The following PTPRQ variants were observed in gnomAD, a reference collection of about 807,000 sequenced individuals.
PTPRQ encodes the protein protein tyrosine phosphatase receptor type Q.
A neutral mutation model predicts 246.0 loss-of-function variants in PTPRQ; 199 were observed. The ratio of observed to expected loss-of-function variants is 0.81; its 90% CI spans 0.72 to 0.91. PTPRQ has a LOEUF of 0.91. Ranked by LOEUF, PTPRQ falls within the 40% of genes least tolerant of loss-of-function variation. The pLI, the probability that PTPRQ is intolerant of heterozygous loss-of-function variation, is 0.00. For missense variants in PTPRQ, 2,624 were observed against 2,528.4 expected (o/e 1.04, Z -0.81); for synonymous variants, 869 against 853.2 (o/e 1.02, Z -0.32).
At chr12:80,587,207 G>A (rs1435963011) in intron 25 of PTPRQ, among the ~76,000 whole-genome samples, 1 of 152,058 alleles carries the variant, frequency 6.6e-6, no homozygotes, top group African/African-American at 2.4e-5. Context: ...TATCTTTAGA[G>A]ATCAATGAGC....
chr12:80,630,097 T>C (rs1171478743), intron 33 of PTPRQ, among the ~76,000 whole-genome samples: 5 of 152,240 alleles, frequency 3.3e-5, no homozygotes, highest in Non-Finnish European at 4.4e-5. Context: ...TTTAAGCTAC[T>C]TGTATATACG....
At chr12:80,467,927 C>T (rs1893490667) in intron 6 of PTPRQ, among the ~76,000 whole-genome samples, 1 of 152,128 alleles carries the variant, frequency 6.6e-6, no homozygotes, top group Non-Finnish European at 1.5e-5. Flanking sequence ...TTAATGGGTG[C>T]AGCAAACCAA....
chr12:80,557,837 A>G (rs1896688643), intron 25 of PTPRQ, among the ~76,000 whole-genome samples: 1 of 152,164 alleles, frequency 6.6e-6, no homozygotes, highest in South Asian at 2.1e-4. Flanking sequence ...TTGCCTTTGC[A>G]TAGACAGACC....
chr12:80,661,894 C>T (rs1290253567), intron 39 of PTPRQ, among the ~76,000 whole-genome samples: 1 of 151,718 alleles, frequency 6.6e-6, no homozygotes, highest in Non-Finnish European at 1.5e-5. Context: ...CTGAGGTGTG[C>T]AAGAAAATAA....
intron 42 of PTPRQ, among the ~76,000 whole-genome samples, 198 bp from the exon 43 acceptor site, chr12:80,672,971 T>G (rs150191821): frequency 2.1e-3 from 319 of 152,246 alleles, no homozygotes; most frequent in African/African-American, 7.0e-3. Flanking sequence ...TGATAGCATA[T>G]TAATGATAAT....
Position 80,542,795 on chromosome 12 carries a change from T to A in PTPRQ, c.3787T>A (p.Trp1263Arg). The change falls in exon 23 of 45, where the codon TGG (tryptophan) becomes AGG (arginine). Residue 1263 changes from tryptophan (W) to arginine (R), a missense_variant. By Grantham distance (101) the Trp-to-Arg change is moderately radical. Transcript: ENST00000644991. The part of the protein sequence containing the change: ...NCTSDFVWLK[W>R]SPSPLPGGIV... ...TACTTCAGACTTTGTATGGCTGAAA[T>A]GGAGCCCAAGTCCTCTTCCAGGTGG... 1 of 1,549,504 alleles carries A rather than the reference T, an allele frequency of 6.5e-7. No homozygotes were observed. Among genetic ancestry groups the A allele is most frequent in the Non-Finnish European group, 8.7e-7 (1 of 1,145,968 alleles).
rs908258299 is a variant in PTPRQ, at chr12:80,660,599, G to A, written c.6192+2538G>A. 5.9e-5 allele frequency among the ~76,000 whole-genome samples: 9 copies of A among 152,118 alleles called. No homozygotes were observed. The South Asian group carries it at 1.2e-3, about 21-fold the overall frequency. ...TTATAATTAATTTTGAGGAAGGCTC[G>A]TCAAAATTATCTCTCCTGTCAATTT... On this transcript the variant is annotated intron_variant, in intron 39 of 44. Transcript: ENST00000644991.
intron 3 of PTPRQ, among the ~76,000 whole-genome samples, chr12:80,450,128 T>A (rs1592514441): frequency 6.6e-6 from 1 of 151,922 alleles, no homozygotes; most frequent in South Asian, 2.1e-4. Context: ...TATTTTATTC[T>A]CTTTGAATCA....
intron 14 of PTPRQ, among the ~76,000 whole-genome samples, chr12:80,499,842 A>C (rs1186401801): frequency 6.6e-6 from 1 of 151,780 alleles, no homozygotes; most frequent in Non-Finnish European, 1.5e-5. Flanking sequence ...CAATAAGCCT[A>C]AGATTAGTTT....
chr12:80,525,725 G>A (rs148435934), intron 17 of PTPRQ, among the ~76,000 whole-genome samples: 2 of 151,406 alleles, frequency 1.3e-5, no homozygotes, highest in Non-Finnish European at 2.9e-5. Flanking sequence ...ATGTGTATGT[G>A]GTTCTACTTA....
chr12:80,584,130 T>G (rs1306621457), intron 25 of PTPRQ: 2 of 152,198 alleles, frequency 1.3e-5, no homozygotes, highest in Non-Finnish European at 2.9e-5. Flanking sequence ...GTAAACTGAT[T>G]AAGATTCTTA....
intron 26 of PTPRQ, among the ~76,000 whole-genome samples, chr12:80,600,718 T>C (rs1898114700): frequency 6.6e-6 from 1 of 151,784 alleles, no homozygotes; most frequent in Non-Finnish European, 1.5e-5. Flanking sequence ...CTTTTTGACG[T>C]AATTAATTTT....
intron 14 of PTPRQ, 50 bp from the exon 15 acceptor site, chr12:80,505,974 G>C (rs1177460657): frequency 6.6e-7 from 1 of 1,508,960 alleles, no homozygotes; most frequent in African/African-American, 1.4e-5. Flanking sequence ...CAGCAGAATA[G>C]ATTTTTAGAA....
At chr12:80,597,543 T>C (rs1898009120) in intron 26 of PTPRQ, among the ~76,000 whole-genome samples, 1 of 151,996 alleles carries the variant, frequency 6.6e-6, no homozygotes. Flanking sequence ...GATTACCAGC[T>C]CCCAAACTTC....
chr12:80,527,223 A>T (rs954225008), intron 17 of PTPRQ, among the ~76,000 whole-genome samples: 1 of 152,156 alleles, frequency 6.6e-6, no homozygotes, highest in Non-Finnish European at 1.5e-5. Context: ...AATTTCCAGT[A>T]GAAAAATGTT....
At chr12:80,546,795 G>T (rs968726103) in intron 24 of PTPRQ, 98 bp downstream of exon 24, 18 of 1,407,684 alleles carry the variant, frequency 1.3e-5, no homozygotes, top group Non-Finnish European at 1.6e-5. Flanking sequence ...TTACTTAAGA[G>T]TCTACTCAAA....
chr12:80,594,813 T>C (rs1156730397), intron 26 of PTPRQ, among the ~76,000 whole-genome samples: 3 of 152,202 alleles, frequency 2.0e-5, no homozygotes, highest in Non-Finnish European at 4.4e-5. Context: ...TCCAGACTTT[T>C]ACATTTATCT....
At chr12:80,607,981 G>T (rs923927980) in intron 27 of PTPRQ, among the ~76,000 whole-genome samples, 2 of 150,780 alleles carry the variant, frequency 1.3e-5, no homozygotes, top group Non-Finnish European at 3.0e-5. Context: ...AGAGTTTGAG[G>T]TATGAAGTTT....
chr12:80,665,710 G>A (rs1900765387), intron 39 of PTPRQ, among the ~76,000 whole-genome samples: 2 of 151,476 alleles, frequency 1.3e-5, no homozygotes, highest in Non-Finnish European at 2.9e-5. Context: ...ATCCAACAAG[G>A]GATTAATATC....
Sources: allele counts gnomAD v4.1 joint callset (sites outside exome capture counted in the v4.1 genomes callset), GRCh38; gene constraint gnomAD v4.1.1; transcripts MANE v1.5; gene names NCBI Gene and HGNC (gene_info 2026-07-23, HGNC 2026-07-21).